The following SCIMP variants were observed in gnomAD, a reference collection of about 807,000 sequenced individuals.
The protein encoded by SCIMP is SLP adapter and CSK-interacting membrane protein.
A neutral mutation model predicts 22.0 loss-of-function variants in SCIMP; 18 were observed. That is an observed-to-expected ratio of 0.82 (90% CI 0.56 to 1.21). The LOEUF is 1.21. SCIMP is among the 50% of genes most tolerant of loss of function. SCIMP has a pLI of 0.00. For missense variants in SCIMP, 155 were observed against 171.2 expected (o/e 0.91, Z 0.53); for synonymous variants, 53 against 62.2 (o/e 0.85, Z 0.70).
intron 1 of SCIMP, among the ~76,000 whole-genome samples, chr17:5,232,348 A>ATATAAACATTGCAGTGTAAACAGTGCAG: frequency 2.9e-5 from 1 of 34,466 alleles, no homozygotes; most frequent in South Asian, 1.8e-3. Context: ...AAGGGGTGGA[A>ATATAAACATTGCAGTGTAAACAGTGCAG]TATAAACAGT....
At chr17:5,225,731 C>A (rs141561902) in intron 1 of SCIMP, among the ~76,000 whole-genome samples, 2,125 of 150,666 alleles carry the variant, frequency 0.014, 53 homozygotes, top group African/African-American at 0.048. Context: ...CATTGCACTC[C>A]AGCCTGGGCA....
At chr17:5,211,589 G>GTGTTAC (rs2074526004) in intron 4 of SCIMP, among the ~76,000 whole-genome samples, 1 of 151,868 alleles carries the variant, frequency 6.6e-6, no homozygotes, top group Non-Finnish European at 1.5e-5. Flanking sequence ...GAGTGCTGTT[G>GTGTTAC]TGTTACAGAT....
At chr17:5,222,231 A>G (rs1012100961) in intron 2 of SCIMP, among the ~76,000 whole-genome samples, 2 of 151,856 alleles carry the variant, frequency 1.3e-5, no homozygotes, top group South Asian at 2.1e-4. Flanking sequence ...CTGGGACTAC[A>G]GGCGCCTGCC....
At chr17:5,227,367 A>C (rs2074659106) in intron 1 of SCIMP, among the ~76,000 whole-genome samples, 1 of 151,786 alleles carries the variant, frequency 6.6e-6, no homozygotes, top group Admixed American at 6.6e-5. Context: ...CTATAGTCAC[A>C]GCTACTCAGG....
At chr17:5,212,505 G>T (rs1331341991) in intron 4 of SCIMP, among the ~76,000 whole-genome samples, 1 of 152,158 alleles carries the variant, frequency 6.6e-6, no homozygotes, top group East Asian at 1.9e-4. Flanking sequence ...ATGGTGGCAG[G>T]CACCTGTAGT....
chr17:5,222,770 T>G (rs1430983391), intron 2 of SCIMP, among the ~76,000 whole-genome samples: 1 of 152,162 alleles, frequency 6.6e-6, no homozygotes, highest in Non-Finnish European at 1.5e-5. Context: ...ATTCAAGTGA[T>G]TCTCCTGCCT....
chr17:5,232,987 C>T (rs916797368), intron 1 of SCIMP, among the ~76,000 whole-genome samples: 1 of 152,078 alleles, frequency 6.6e-6, no homozygotes, highest in Non-Finnish European at 1.5e-5. Flanking sequence ...GCTGGGATTA[C>T]AGGCGTGAGC....
At chr17:5,234,186 G>T (rs187633272) in intron 1 of SCIMP, among the ~76,000 whole-genome samples, 1 of 152,226 alleles carries the variant, frequency 6.6e-6, no homozygotes, top group African/African-American at 2.4e-5. Context: ...CAGGAGAATC[G>T]CTTGAACCCG....
At position 5,223,313 on chromosome 17, in the gene SCIMP, C is replaced by T. The variant is rs777723985; in HGVS notation, c.145+20G>A. ...CCACCTGGCTCCTCCCTCCACCTGC[C>T]TAGGTAAAATGGCCATTACCTCGTC... is the stretch of plus-strand genomic sequence containing the variant. On this transcript the variant is annotated intron_variant, in intron 2 of 4. Coordinates refer to ENST00000574081, the MANE Select transcript of SCIMP (RefSeq NM_207103.3). 36 of 1,612,946 alleles carry T rather than the reference C, an allele frequency of 2.2e-5. No individual in the cohort carries two copies. The South Asian group carries it at 3.7e-4, about 17-fold the overall frequency.
At chr17:5,219,185 GGC>G (rs1255345830) in intron 3 of SCIMP, among the ~76,000 whole-genome samples, 2 of 152,098 alleles carry the variant, frequency 1.3e-5, no homozygotes, top group African/African-American at 4.8e-5. Context: ...CAGGTGTGGT[GGC>G]GCGCGCCTGT....
In SCIMP at chr17:5,210,719, C is replaced by T; in HGVS notation, c.*82G>A. The stretch of plus-strand genomic sequence containing the variant: ...CTGGCTTTCAGGGCCCAGAGACCTA[C>T]TGAAGTTCAACCATTCTTGATTGTT... On this transcript the variant is annotated 3_prime_UTR_variant, in exon 5 of 5. Transcript: ENST00000574081. 2 of 1,529,234 alleles carry T rather than the reference C, an allele frequency of 1.3e-6. No individual in the cohort carries two copies. The highest frequency in any genetic ancestry group is 1.8e-6 in the Non-Finnish European group (2 of 1,140,948). The allele number at this position is 1,529,234 out of a possible 1,614,324, so 94.7% of individuals were successfully genotyped here.
At position 5,233,207 on chromosome 17, in the gene SCIMP, C is replaced by T. The variant is rs114860381; in HGVS notation, c.21+1528G>A. Among the ~76,000 whole-genome samples, 783 of 152,228 alleles carry T rather than the reference C, an allele frequency of 5.1e-3. 7 individuals carry two copies. The highest frequency in any genetic ancestry group is 0.018 in the African/African-American group (743 of 41,544). On this transcript the variant is annotated intron_variant, in intron 1 of 4. Coordinates refer to ENST00000574081, the MANE Select transcript of SCIMP (RefSeq NM_207103.3). Reference sequence around the variant, plus strand: ...GCCTCATTCCTCTTTCTCCCATGGCCCCATCCCCACCCCGCTTCAGCCCAT... The same window carrying T: ...GCCTCATTCCTCTTTCTCCCATGGCTCCATCCCCACCCCGCTTCAGCCCAT...
rs1489840115 is a variant in SCIMP, at chr17:5,213,318, C to T, written c.283+1607G>A. On this transcript the variant is annotated intron_variant, in intron 4 of 4. Transcript: ENST00000574081. The stretch of plus-strand genomic sequence containing the variant: ...TGTCGTCCAGGTGCAGTGATGCTAT[C>T]GTGGCTCACTGCAGACCTCCCAGGC... 6.8e-6 allele frequency: 6 copies of T among 880,326 alleles called. No individual in the cohort carries two copies. The African/African-American group carries it at 1.2e-4, about 18-fold the overall frequency. 54.5% of individuals were successfully genotyped at this position (880,326 alleles called of 1,614,324 possible). A position where few individuals can be genotyped will look rare whatever the true frequency, so the allele number is the denominator to read the frequency against.
At chr17:5,224,017 G>A (rs2074628318) in intron 1 of SCIMP, among the ~76,000 whole-genome samples, 1 of 152,228 alleles carries the variant, frequency 6.6e-6, no homozygotes. Flanking sequence ...TGAGGTTTGT[G>A]AGGACTGGAG....
intron 3 of SCIMP, among the ~76,000 whole-genome samples, chr17:5,218,378 C>T (rs2074581248): frequency 6.6e-6 from 1 of 151,242 alleles, no homozygotes; most frequent in Admixed American, 6.6e-5. Flanking sequence ...TTTCACTCGT[C>T]ACCCAGGCTG....
intron 3 of SCIMP, among the ~76,000 whole-genome samples, chr17:5,216,798 T>C (rs1310440035): frequency 1.3e-5 from 2 of 152,188 alleles, no homozygotes; most frequent in African/African-American, 4.8e-5. Context: ...AACGTCCTAT[T>C]TCTTGATCTG....
chr17:5,224,315 T>G (rs1010884214), intron 1 of SCIMP, among the ~76,000 whole-genome samples: 12 of 151,858 alleles, frequency 7.9e-5, no homozygotes, highest in Admixed American at 2.0e-4. Flanking sequence ...TTTTGTATTT[T>G]TTTAGTAGAG....
chr17:5,234,484 C>T (rs2074728839), intron 1 of SCIMP: 4 of 558,578 alleles, frequency 7.2e-6, no homozygotes, highest in African/African-American at 3.8e-5. Context: ...TCGCCCCTGA[C>T]ATACACATGA....
At chr17:5,229,780 G>A (rs1442893456) in intron 1 of SCIMP, among the ~76,000 whole-genome samples, 3 of 151,832 alleles carry the variant, frequency 2.0e-5, no homozygotes, top group Admixed American at 6.6e-5. Context: ...TAAATGAAGC[G>A]CTGAAGGGCC....
Sources: allele counts gnomAD v4.1 joint callset (sites outside exome capture counted in the v4.1 genomes callset), GRCh38; gene constraint gnomAD v4.1.1; transcripts MANE v1.5; gene names NCBI Gene and HGNC (gene_info 2026-07-23, HGNC 2026-07-21).